EYA1: variants seen among roughly 807,000 people sequenced by gnomAD.
The protein encoded by EYA1 is protein phosphatase EYA1.
EYA1 carries 16 observed loss-of-function variants against 82.0 expected under a neutral mutation model. The ratio of observed to expected loss-of-function variants is 0.20; its 90% CI spans 0.13 to 0.30. The LOEUF (loss-of-function observed/expected upper bound fraction) is 0.30. Ranked by LOEUF, EYA1 falls within the 10% of genes least tolerant of loss-of-function variation. EYA1 has a pLI of 1.00. For synonymous variants in EYA1, 261 were observed against 264.4 expected, an observed-to-expected ratio of 0.99 and a Z score of 0.12; for missense variants, 633 against 730.7, an observed-to-expected ratio of 0.87 and a Z score of 1.54.
chr8:71,305,177 T>G, intron 7 of EYA1, among the ~76,000 whole-genome samples: 1 of 143,280 alleles, frequency 7.0e-6, no homozygotes, highest in East Asian at 2.1e-4. Context: ...CAAAATAATA[T>G]AGAAGTATTT....
intron 2 of EYA1, among the ~76,000 whole-genome samples, chr8:71,396,340 A>T (rs1048007423): frequency 2.0e-5 from 3 of 151,736 alleles, no homozygotes; most frequent in Admixed American, 6.6e-5. Flanking sequence ...CTAGCTTTTG[A>T]ATGTGTTTGC....
intron 2 of EYA1, among the ~76,000 whole-genome samples, chr8:71,412,233 G>T (rs1198813505): frequency 9.2e-6 from 1 of 108,300 alleles, no homozygotes; most frequent in Non-Finnish European, 1.8e-5. Flanking sequence ...CTGTGGTGGG[G>T]TGGGGGGAGG....
At chr8:71,349,027 A>T (rs959369971) in intron 3 of EYA1, among the ~76,000 whole-genome samples, 1 of 152,234 alleles carries the variant, frequency 6.6e-6, no homozygotes, top group Non-Finnish European at 1.5e-5. Flanking sequence ...TTATAATGAA[A>T]AGCAGAGATG....
chr8:71,495,356 G>A (rs535897981), intron 2 of EYA1, among the ~76,000 whole-genome samples: 6 of 152,326 alleles, frequency 3.9e-5, no homozygotes, highest in Admixed American at 2.6e-4. Context: ...GCTCACGCCT[G>A]TAATCCCAGC....
intron 2 of EYA1, among the ~76,000 whole-genome samples, chr8:71,460,999 G>T (rs990627156): frequency 6.6e-6 from 1 of 152,166 alleles, no homozygotes; most frequent in African/African-American, 2.4e-5. Flanking sequence ...ATTTTAGGAA[G>T]AACAAACAGC....
chr8:71,208,786 A>G (rs1808157260), intron 17 of EYA1, among the ~76,000 whole-genome samples: 1 of 152,212 alleles, frequency 6.6e-6, no homozygotes, highest in Admixed American at 6.5e-5. Flanking sequence ...CTCTAGCCCT[A>G]TCAATACTTT....
At position 71,339,130 on chromosome 8, in the gene EYA1, C is replaced by T. The variant is rs1330579860; in HGVS notation, c.125-4956G>A. Among the ~76,000 whole-genome samples, 3 of 152,134 alleles carry T rather than the reference C, an allele frequency of 2.0e-5. 1 individual carries two copies. The highest frequency in any genetic ancestry group is 4.4e-5 in the Non-Finnish European group (3 of 68,004). On this transcript the variant is annotated intron_variant, in intron 3 of 17. Transcript: ENST00000340726. ...TATCACCTTTGACCTCATTCATTCA[C>T]TTAGTTGCTATTACCCCTCATCAGA...
intron 9 of EYA1, among the ~76,000 whole-genome samples, chr8:71,290,427 G>T (rs1721889852): frequency 6.6e-6 from 1 of 152,062 alleles, no homozygotes; most frequent in Admixed American, 6.6e-5. Flanking sequence ...TACAAAAGAA[G>T]ATAATAAATG....
intron 6 of EYA1, among the ~76,000 whole-genome samples, chr8:71,320,654 G>T (rs1822435998): frequency 6.6e-6 from 1 of 152,020 alleles, no homozygotes; most frequent in Non-Finnish European, 1.5e-5. Context: ...AAATGCTGAA[G>T]TCGTACATAA....
intron 2 of EYA1, among the ~76,000 whole-genome samples, chr8:71,451,613 A>G (rs909414029): frequency 1.3e-5 from 2 of 152,174 alleles, no homozygotes; most frequent in African/African-American, 4.8e-5. Context: ...AACTATTTTT[A>G]CATATCTTTA....
At chr8:71,319,271 C>T (rs1164570842) in intron 6 of EYA1, among the ~76,000 whole-genome samples, 1 of 152,108 alleles carries the variant, frequency 6.6e-6, no homozygotes, top group East Asian at 1.9e-4. Flanking sequence ...GCTGGGACTA[C>T]AGGCACCCGC....
intron 2 of EYA1, 104 bp from the exon 3 acceptor site, chr8:71,355,013 C>T: frequency 2.6e-6 from 3 of 1,132,428 alleles, no homozygotes; most frequent in South Asian, 1.2e-5. Context: ...GCACAAAAGT[C>T]CCATTGTATC....
At chr8:71,383,627 C>G (rs1292716388) in intron 2 of EYA1, among the ~76,000 whole-genome samples, 1 of 151,836 alleles carries the variant, frequency 6.6e-6, no homozygotes, top group East Asian at 1.9e-4. Flanking sequence ...TACTTTTTGC[C>G]TAAGTTTTAA....
intron 2 of EYA1, among the ~76,000 whole-genome samples, chr8:71,386,442 T>C (rs545561491): frequency 6.6e-6 from 1 of 152,356 alleles, no homozygotes; most frequent in East Asian, 1.9e-4. Context: ...CAGAAATTTA[T>C]AGTTTTTCAT....
At chr8:71,490,536 A>G (rs1223986667) in intron 2 of EYA1, among the ~76,000 whole-genome samples, 2 of 152,228 alleles carry the variant, frequency 1.3e-5, no homozygotes. Context: ...CAAATATTGG[A>G]CACATCAACA....
At chr8:71,330,260 T>C (rs1232717691) in intron 4 of EYA1, among the ~76,000 whole-genome samples, 1 of 152,216 alleles carries the variant, frequency 6.6e-6, no homozygotes, top group Non-Finnish European at 1.5e-5. Flanking sequence ...CAAATTCATC[T>C]GCACCACTTC....
chr8:71,400,423 G>A (rs1444898371), intron 2 of EYA1, among the ~76,000 whole-genome samples: 1 of 151,822 alleles, frequency 6.6e-6, no homozygotes, highest in Non-Finnish European at 1.5e-5. Flanking sequence ...TATCCAGAAG[G>A]TACAAGGAAC....
chr8:71,383,528 A>C (rs576379313), intron 2 of EYA1, among the ~76,000 whole-genome samples: 28 of 152,274 alleles, frequency 1.8e-4, no homozygotes, highest in African/African-American at 6.7e-4. Context: ...AAATGAATAA[A>C]CTAAAGCTAC....
chr8:71,291,275 G>C (rs563027904), intron 9 of EYA1, among the ~76,000 whole-genome samples: 1 of 152,178 alleles, frequency 6.6e-6, no homozygotes, highest in Non-Finnish European at 1.5e-5. Context: ...CTTTGAACAA[G>C]AACATTCCCC....
Sources: gnomAD v4.1 joint callset for allele counts (sites outside exome capture counted in the v4.1 genomes callset) on GRCh38, gnomAD v4.1.1 for gene constraint, MANE v1.5 for transcripts, NCBI Gene and HGNC (gene_info 2026-07-23, HGNC 2026-07-21) for gene names.